KDM5B: variants seen among roughly 807,000 people sequenced by gnomAD.
The protein encoded by KDM5B is lysine-specific demethylase 5B.
A neutral mutation model predicts 193.4 loss-of-function variants in KDM5B; 144 were observed. The observed-to-expected ratio is 0.74, with a 90% CI of 0.65 to 0.86. The LOEUF (loss-of-function observed/expected upper bound fraction) is 0.86. Among genes scored for constraint, KDM5B ranks in the 40% least tolerant of loss-of-function variants. KDM5B has a pLI of 0.00. For missense variants in KDM5B, 1,833 were observed against 1,886.9 expected (o/e 0.97, Z 0.53); for synonymous variants, 668 against 682.6 (o/e 0.98, Z 0.33).
rs2102215336 is a variant in KDM5B, at chr1:202,733,476, C to T, written c.3834G>A (p.Val1278=). The part of the protein sequence containing the change: ...QLLSSGNLKF[V]QDRVGSGLLY... ...ACAGTCCTGAGCCCACTCGATCTTGCACAAATTTAAGATTCCCTGACGAAA... is the reference window on the plus strand; with the variant it reads ...ACAGTCCTGAGCCCACTCGATCTTGTACAAATTTAAGATTCCCTGACGAAA... Residue 1278 remains valine, a synonymous_variant, in exon 23 of 27, where the codon GTG becomes GTA. Transcript: ENST00000367265. The T allele has an allele frequency of 1.2e-6, 2 of 1,614,148 alleles. No homozygotes were observed. The highest frequency in any genetic ancestry group is 2.2e-5 in the East Asian group (1 of 44,876).
chr1:202,740,873 T>A (rs552534031), intron 19 of KDM5B, 61 bp from the exon 20 acceptor site: 2 of 1,510,326 alleles, frequency 1.3e-6, no homozygotes, highest in African/African-American at 2.8e-5. Context: ...TTCTTATGGT[T>A]ACCAAAAAAA....
intron 24 of KDM5B, 135 bp downstream of exon 24, chr1:202,731,693 C>A: frequency 1.5e-6 from 1 of 674,156 alleles, no homozygotes; most frequent in South Asian, 1.8e-5. Flanking sequence ...CCCTATTTTG[C>A]AAATACATAA....
chr1:202,777,882 A>G (rs1001232696), intron 1 of KDM5B, among the ~76,000 whole-genome samples: 3 of 152,088 alleles, frequency 2.0e-5, no homozygotes, highest in Non-Finnish European at 4.4e-5. Context: ...TCCAATTTTA[A>G]AAGTCATCCT....
At chr1:202,760,017 A>G (rs1362807607) in intron 8 of KDM5B, among the ~76,000 whole-genome samples, 1 of 152,146 alleles carries the variant, frequency 6.6e-6, no homozygotes, top group African/African-American at 2.4e-5. Context: ...TGCCAAATCT[A>G]AAACCCAAAG....
intron 20 of KDM5B, among the ~76,000 whole-genome samples, chr1:202,740,358 G>T (rs1248794221): frequency 1.3e-4 from 17 of 133,504 alleles, no homozygotes; most frequent in Non-Finnish European, 2.6e-4. Flanking sequence ...CGGGCGGGGG[G>T]CTGACCCCCC....
chr1:202,778,108 G>C (rs1657037959), intron 1 of KDM5B, among the ~76,000 whole-genome samples: 1 of 151,970 alleles, frequency 6.6e-6, no homozygotes, highest in Admixed American at 6.6e-5. Context: ...ACAAGAGGCA[G>C]AGGTTGCAGT....
chr1:202,739,264 A>C (rs1655208248), intron 20 of KDM5B, among the ~76,000 whole-genome samples: 1 of 152,228 alleles, frequency 6.6e-6, no homozygotes, highest in Non-Finnish European at 1.5e-5. Flanking sequence ...CCCAGCTCCC[A>C]GAAAAAGTTG....
chr1:202,754,939 C>T (rs1184854620), intron 11 of KDM5B, among the ~76,000 whole-genome samples: 1 of 152,224 alleles, frequency 6.6e-6, no homozygotes, highest in Non-Finnish European at 1.5e-5. Flanking sequence ...CCCATCTTGG[C>T]CTCCCAAACT....
chr1:202,788,389 T>C (rs984039519), intron 1 of KDM5B, among the ~76,000 whole-genome samples: 1 of 152,252 alleles, frequency 6.6e-6, no homozygotes, highest in African/African-American at 2.4e-5. Context: ...TTTTAGCTTC[T>C]GAATATGAAA....
chr1:202,758,212 T>G (rs1315793756), intron 9 of KDM5B, among the ~76,000 whole-genome samples, 179 bp downstream of exon 9: 2 of 152,200 alleles, frequency 1.3e-5, no homozygotes, highest in African/African-American at 2.4e-5. Context: ...AATAAAAAAT[T>G]AGAATGCTTT....
In KDM5B at chr1:202,742,502, A is replaced by G. The variant is rs375897651; in HGVS notation, c.2478T>C (p.Tyr826=). The part of the protein sequence containing the change: ...QLLNGKRQTR[Y]RSGGGKSQNQ... ...TTTGGGATTTCCCTCCACCAGATCG[A>G]TATCTGTAAAGACAAAGGCCCAAGG... Residue 826 remains tyrosine (Y), a synonymous_variant, in exon 18 of 27, where the codon TAT becomes TAC. Transcript: ENST00000367265. The G allele has an allele frequency of 7.4e-6, 12 of 1,613,726 alleles. No homozygotes were observed. The highest frequency in any genetic ancestry group is 2.2e-5 in the South Asian group (2 of 91,066).
intron 14 of KDM5B, among the ~76,000 whole-genome samples, chr1:202,747,580 A>AC (rs1558489576): frequency 6.6e-6 from 1 of 151,842 alleles, no homozygotes; most frequent in East Asian, 1.9e-4. Flanking sequence ...AAAAAAAAAA[A>AC]AAAAAACAGT....
At chr1:202,733,225 T>C (rs4950791) in intron 23 of KDM5B, among the ~76,000 whole-genome samples, 176 bp downstream of exon 23, 114,365 of 152,072 alleles carry the variant, frequency 0.75, 44,980 homozygotes, top group Non-Finnish European at 0.86. Flanking sequence ...GCAGAGGAAA[T>C]TAAAAGAATA....
At chr1:202,758,624 T>C (rs1022314643) in intron 8 of KDM5B, 114 bp from the exon 9 acceptor site, 1 of 764,432 alleles carries the variant, frequency 1.3e-6, no homozygotes, top group African/African-American at 1.8e-5. Flanking sequence ...TTTACTTCTA[T>C]GCTAGGTCTA....
At chr1:202,787,962 T>C (rs1558514544) in intron 1 of KDM5B, among the ~76,000 whole-genome samples, 1 of 151,956 alleles carries the variant, frequency 6.6e-6, no homozygotes. Context: ...GGGGGAGTTT[T>C]CTTGGATCCA....
At chr1:202,807,944 C>T (rs1198698585) in intron 1 of KDM5B, among the ~76,000 whole-genome samples, 158 bp downstream of exon 1, 1 of 151,960 alleles carries the variant, frequency 6.6e-6, no homozygotes, top group African/African-American at 2.4e-5. Flanking sequence ...CGTCTTCCTC[C>T]CCCGGCCTCA....
At chr1:202,770,974 A>G (rs1656688173) in intron 4 of KDM5B, among the ~76,000 whole-genome samples, 1 of 152,312 alleles carries the variant, frequency 6.6e-6, no homozygotes, top group South Asian at 2.1e-4. Context: ...TTGTATAAAT[A>G]CTTAAGTGCT....
At chr1:202,790,501 C>T (rs1657604338) in intron 1 of KDM5B, among the ~76,000 whole-genome samples, 1 of 152,056 alleles carries the variant, frequency 6.6e-6, no homozygotes, top group African/African-American at 2.4e-5. Context: ...GGGCAGATCA[C>T]TTGAGGTCTG....
intron 24 of KDM5B, 120 bp from the exon 25 acceptor site, chr1:202,731,183 A>C: frequency 1.4e-6 from 1 of 693,672 alleles, no homozygotes; most frequent in Non-Finnish European, 2.3e-6. Context: ...CTCCTTCTTA[A>C]ATTACAAATT....
Sources: allele counts gnomAD v4.1 joint callset (sites outside exome capture counted in the v4.1 genomes callset), GRCh38; gene constraint gnomAD v4.1.1; transcripts MANE v1.5; gene names NCBI Gene and HGNC (gene_info 2026-07-23, HGNC 2026-07-21).